TDP2: variants seen among roughly 807,000 people sequenced by gnomAD.
TDP2 encodes the protein tyrosyl-DNA phosphodiesterase 2, also known as 5'-Tyr-DNA phosphodiesterase.
Under a neutral mutation model 42.8 loss-of-function variants are expected in TDP2, and 38 were observed. That is an observed-to-expected ratio of 0.89 (90% confidence interval 0.68 to 1.16). The LOEUF is 1.16. Among genes scored for constraint, TDP2 ranks in the 50% most tolerant of loss-of-function variants. TDP2 has a pLI of 0.00. For synonymous variants in TDP2, 173 were observed against 150.6 expected, an observed-to-expected ratio of 1.15 and a Z score of -1.09; for missense variants, 439 against 439.3, an observed-to-expected ratio of 1.00 and a Z score of 0.01.
At chr6:24,651,108 C>G in intron 6 of TDP2, 39 bp from the exon 7 acceptor site, 1 of 1,424,748 alleles carries the variant, frequency 7.0e-7, no homozygotes. Context: ...TACACATAGC[C>G]TTTTGCCCAC....
At chr6:24,654,215 C>T (rs3181238) in intron 5 of TDP2, among the ~76,000 whole-genome samples, 197 bp downstream of exon 5, 97,249 of 151,966 alleles carry the variant, frequency 0.64, 31,484 homozygotes, top group Middle Eastern at 0.72. Flanking sequence ...CTTAAGAAAA[C>T]AATAGACTGA....
intron 2 of TDP2, among the ~76,000 whole-genome samples, chr6:24,661,838 GACTGTT>G (rs1778154590): frequency 6.7e-6 from 1 of 149,102 alleles, no homozygotes; most frequent in South Asian, 2.1e-4. Context: ...AGAGAGATCA[GACTGTT>G]ACTGTGTCTA....
At chr6:24,653,241 T>C (rs1778002405) in intron 5 of TDP2, 88 bp from the exon 6 acceptor site, 7 of 1,333,040 alleles carry the variant, frequency 5.3e-6, no homozygotes, top group South Asian at 2.6e-5. Context: ...TTCTGTCAAA[T>C]GGTATATATT....
intron 2 of TDP2, among the ~76,000 whole-genome samples, chr6:24,665,084 G>A (rs1431950456): frequency 6.6e-6 from 1 of 152,150 alleles, no homozygotes; most frequent in African/African-American, 2.4e-5. Flanking sequence ...CACAGAGCCT[G>A]GTACAGAAAT....
intron 3 of TDP2, 51 bp from the exon 4 acceptor site, chr6:24,657,954 T>G (rs1486386220): frequency 7.8e-7 from 1 of 1,277,814 alleles, no homozygotes; most frequent in African/African-American, 1.5e-5. Flanking sequence ...CATTTCATTT[T>G]CAGCTACCTA....
chr6:24,665,571 T>C (rs942737282), intron 2 of TDP2, among the ~76,000 whole-genome samples: 4 of 152,220 alleles, frequency 2.6e-5, no homozygotes, highest in Admixed American at 2.0e-4. Flanking sequence ...TGGGAGAATT[T>C]TATACATTCA....
chr6:24,666,268 T>C, intron 2 of TDP2: 2 of 1,542,534 alleles, frequency 1.3e-6, no homozygotes, highest in Non-Finnish European at 1.7e-6. Flanking sequence ...TCATTTGAGT[T>C]AAACATTACA....
intron 5 of TDP2, among the ~76,000 whole-genome samples, chr6:24,653,622 C>T (rs554697839): frequency 1.3e-5 from 2 of 152,304 alleles, no homozygotes; most frequent in African/African-American, 4.8e-5. Flanking sequence ...GAATCATTTA[C>T]CATTTGCAAT....
intron 5 of TDP2, 153 bp downstream of exon 5, chr6:24,654,259 A>C (rs1157854257): frequency 2.3e-6 from 1 of 428,798 alleles, no homozygotes; most frequent in Admixed American, 4.3e-5. Flanking sequence ...TATGTAAAAA[A>C]TTAATTTTAG....
intron 2 of TDP2, among the ~76,000 whole-genome samples, chr6:24,665,332 A>G (rs1778213250): frequency 6.6e-6 from 1 of 152,238 alleles, no homozygotes; most frequent in African/African-American, 2.4e-5. Context: ...CTGACTGGCC[A>G]GTTTGAGCTA....
intron 5 of TDP2, 23 bp from the exon 6 acceptor site, chr6:24,653,176 TA>T (rs747621612): frequency 3.1e-6 from 5 of 1,610,918 alleles, no homozygotes; most frequent in Non-Finnish European, 3.4e-6. Flanking sequence ...AAACAGTCAT[TA>T]AAACTGTCCA....
intron 5 of TDP2, among the ~76,000 whole-genome samples, chr6:24,654,008 C>A (rs1778018715): frequency 6.6e-6 from 1 of 152,228 alleles, no homozygotes; most frequent in Non-Finnish European, 1.5e-5. Context: ...TATACCTCTC[C>A]TGTGGCACTT....
In TDP2 at chr6:24,654,560, C is replaced by T. The variant is rs17243353; in HGVS notation, c.518-30G>A. On this transcript the variant is annotated intron_variant, in intron 4 of 6. Coordinates refer to ENST00000378198, the MANE Select transcript of TDP2 (RefSeq NM_016614.3). Reference sequence around the variant, plus strand: ...AAATGTTTGTGGAAAAGAATTTAGGCTGAGAAGGTGAGAGTTATTTTCAGT... The same window carrying T: ...AAATGTTTGTGGAAAAGAATTTAGGTTGAGAAGGTGAGAGTTATTTTCAGT... 6.3e-3 allele frequency: 7,629 copies of T among 1,212,824 alleles called. 53 individuals are homozygous for T. The highest frequency in any genetic ancestry group is 0.01 in the South Asian group (777 of 77,058). 75.1% of individuals were successfully genotyped at this position (1,212,824 alleles called of 1,614,324 possible). A position where few individuals can be genotyped will look rare whatever the true frequency, so the allele number is the denominator to read the frequency against.
At position 24,650,899 on chromosome 6, in the gene TDP2, C is replaced by T. The variant is rs1337064008; in HGVS notation, c.978G>A (p.Glu326=). Residue 326 remains glutamate (E), a synonymous_variant, in exon 7 of 7, where the codon GAG becomes GAA. Transcript: ENST00000378198. ...CCAAACTTCGGGGAATAATGTGTCC[C>T]TCTTCTGCTGCTGCTCTGAAAAATA... ...DRIFFRAAAE[E]GHIIPRSLDL... 4 of 1,613,974 alleles carry T rather than the reference C, an allele frequency of 2.5e-6. No homozygotes were observed. The highest frequency in any genetic ancestry group is 3.4e-6 in the Non-Finnish European group (4 of 1,180,012).
At position 24,654,987 on chromosome 6, in the gene TDP2, G is replaced by A. The variant is rs141073084; in HGVS notation, c.518-457C>T. On this transcript the variant is annotated intron_variant, in intron 4 of 6. Coordinates refer to ENST00000378198, the MANE Select transcript of TDP2 (RefSeq NM_016614.3). ...TGGGAGGCAGAGGTTGCGGTGAGCT[G>A]AGATCGTGCCATCGCACTCTAGCTT... is the stretch of plus-strand genomic sequence containing the variant. 9.1e-4 allele frequency among the ~76,000 whole-genome samples: 139 copies of A among 152,296 alleles called. 1 individual carries two copies. The highest frequency in any genetic ancestry group is 3.2e-3 in the African/African-American group (134 of 41,562).
intron 4 of TDP2, 52 bp from the exon 5 acceptor site, chr6:24,654,582 C>T (rs778662539): frequency 3.1e-6 from 3 of 972,126 alleles, no homozygotes; most frequent in South Asian, 2.9e-5. Flanking sequence ...GAGTTATTTT[C>T]AGTTTACCAC....
chr6:24,650,754 A>G lies in TDP2; in HGVS notation c.*34T>C, dbSNP rs767038221. On this transcript the variant is annotated 3_prime_UTR_variant, in exon 7 of 7. Transcript: ENST00000378198. ...CCAGAAGGTGGAAATTGTATTTGCA[A>G]CAATCAGGGCAAAACCCACACTTGA... is the stretch of plus-strand genomic sequence containing the variant. The G allele has an allele frequency of 6.3e-6, 10 of 1,597,030 alleles. No homozygotes were observed. The highest frequency in any genetic ancestry group is 8.5e-6 in the Non-Finnish European group (10 of 1,169,916).
At chr6:24,660,927 T>C (rs2127618331) in intron 2 of TDP2, among the ~76,000 whole-genome samples, 1 of 152,280 alleles carries the variant, frequency 6.6e-6, no homozygotes, top group Non-Finnish European at 1.5e-5. Flanking sequence ...GTCACAGAAG[T>C]GATAGTATGT....
At position 24,653,166 on chromosome 6, in the gene TDP2, A is replaced by C. The variant is rs1778001393; in HGVS notation, c.637-13T>G. 1 of 1,613,576 alleles carries C rather than the reference A, an allele frequency of 6.2e-7. No homozygotes were observed. The highest frequency in any genetic ancestry group is 8.5e-7 in the Non-Finnish European group (1 of 1,179,740). ...CTGACACGTTCACCTGCAGCAGGAC[A>C]AACAGTCATTAAAACTGTCCACTGA... On this transcript the variant is annotated splice_polypyrimidine_tract_variant and intron_variant, in intron 5 of 6. Transcript: ENST00000378198.
Sources: gnomAD v4.1 joint callset for allele counts (sites outside exome capture counted in the v4.1 genomes callset) on GRCh38, gnomAD v4.1.1 for gene constraint, MANE v1.5 for transcripts, NCBI Gene and HGNC (gene_info 2026-07-23, HGNC 2026-07-21) for gene names.